KSR2: variants seen among roughly 807,000 people sequenced by gnomAD.
KSR2 encodes the protein kinase suppressor of ras 2.
In KSR2, 25 loss-of-function variants were observed where a neutral mutation model predicts 107.8. The observed-to-expected ratio is 0.23, with a 90% CI of 0.17 to 0.32. The LOEUF is 0.32. KSR2 is among the 10% of genes least tolerant of loss of function. The pLI is 1.00. For missense variants in KSR2, 887 were observed against 1,268.9 expected, an observed-to-expected ratio of 0.70 and a Z score of 4.57; for synonymous variants, 480 against 507.0, an observed-to-expected ratio of 0.95 and a Z score of 0.71.
chr12:117,614,570 T>A (rs76056795), intron 5 of KSR2, among the ~76,000 whole-genome samples: 28 of 152,182 alleles, frequency 1.8e-4, no homozygotes. Context: ...TAGGAGTAAA[T>A]GATGAATCTG....
chr12:117,825,387 A>G (rs1037169193), intron 3 of KSR2, among the ~76,000 whole-genome samples: 6 of 152,048 alleles, frequency 3.9e-5, no homozygotes, highest in African/African-American at 1.4e-4. Flanking sequence ...AGGGATGGAT[A>G]GGTGCATGGG....
At chr12:117,514,854 C>G (rs1874265514) in intron 14 of KSR2, among the ~76,000 whole-genome samples, 1 of 151,968 alleles carries the variant, frequency 6.6e-6, no homozygotes, top group Non-Finnish European at 1.5e-5. Context: ...GGTCAGATCT[C>G]TCTAGTTTCA....
rs189580142 is a variant in KSR2, at chr12:117,753,182, G to A, written c.986+7829C>T. On this transcript the variant is annotated intron_variant, in intron 4 of 19. Coordinates refer to ENST00000339824, the MANE Select transcript of KSR2 (RefSeq NM_173598.6). ...AATCTATGTCAGTGTTTCTCAACCC[G>A]TTTTCTATTATGGCTCCTTTGGGAA... Among the ~76,000 whole-genome samples the A allele has an allele frequency of 7.2e-5, 11 of 152,280 alleles. No homozygotes were observed. In the South Asian group the frequency reaches 1.0e-3, roughly 14 times the overall value.
chr12:117,593,948 T>C (rs933808338), intron 5 of KSR2, among the ~76,000 whole-genome samples: 12 of 152,210 alleles, frequency 7.9e-5, no homozygotes, highest in African/African-American at 2.7e-4. Context: ...CCTTCTATCA[T>C]CCTGTTCTCA....
chr12:117,865,053 C>G (rs1328666852), intron 1 of KSR2, among the ~76,000 whole-genome samples: 1 of 151,666 alleles, frequency 6.6e-6, no homozygotes, highest in African/African-American at 2.4e-5. Flanking sequence ...CAGAACGAGA[C>G]TCCATCTCAA....
intron 4 of KSR2, among the ~76,000 whole-genome samples, chr12:117,689,514 G>A (rs1223888928): frequency 6.6e-6 from 1 of 152,120 alleles, no homozygotes; most frequent in East Asian, 1.9e-4. Flanking sequence ...GCAGTCCTAG[G>A]CATTATATAA....
At chr12:117,502,712 A>C (rs1181508115) in intron 14 of KSR2, among the ~76,000 whole-genome samples, 1 of 152,198 alleles carries the variant, frequency 6.6e-6, no homozygotes, top group Non-Finnish European at 1.5e-5. Context: ...GAAAAAAACA[A>C]ATGGAAGTTT....
At chr12:117,894,241 T>C (rs1048027987) in intron 1 of KSR2, among the ~76,000 whole-genome samples, 3 of 152,162 alleles carry the variant, frequency 2.0e-5, no homozygotes, top group Non-Finnish European at 2.9e-5. Flanking sequence ...GCTCTAATAG[T>C]GCCAGCATTA....
At chr12:117,964,432 T>C (rs1896738154) in intron 1 of KSR2, among the ~76,000 whole-genome samples, 1 of 152,232 alleles carries the variant, frequency 6.6e-6, no homozygotes, top group Non-Finnish European at 1.5e-5. Flanking sequence ...ACTACCAGCA[T>C]TAAGTACAGT....
At chr12:117,701,035 G>C (rs1886284946) in intron 4 of KSR2, among the ~76,000 whole-genome samples, 1 of 152,158 alleles carries the variant, frequency 6.6e-6, no homozygotes, top group South Asian at 2.1e-4. Context: ...AGCTCCACCT[G>C]ACTGCTCATC....
intron 1 of KSR2, among the ~76,000 whole-genome samples, chr12:117,953,885 T>G (rs903271315): frequency 1.3e-5 from 2 of 151,516 alleles, no homozygotes; most frequent in Non-Finnish European, 2.9e-5. Flanking sequence ...AGCCTAGGAG[T>G]TTGAGACTGG....
chr12:117,858,296 A>C (rs1268225711), intron 2 of KSR2, among the ~76,000 whole-genome samples: 1 of 152,194 alleles, frequency 6.6e-6, no homozygotes, highest in Non-Finnish European at 1.5e-5. Flanking sequence ...TGAAGCCTCC[A>C]AAAGAAATGC....
chr12:117,819,198 T>C (rs1362909506), intron 3 of KSR2, among the ~76,000 whole-genome samples: 2 of 152,106 alleles, frequency 1.3e-5, no homozygotes, highest in African/African-American at 4.8e-5. Flanking sequence ...CATTCAAGGA[T>C]TGACCACCCA....
Position 117,457,861 on chromosome 12 carries a change from C to T in KSR2, c.*9338G>A, listed in dbSNP as rs1163997082. ...TGGCTTAGAATGAACATCTCTTTAT[C>T]CTTCTCTTCCTTTAGATCTTGACTT... is the stretch of plus-strand genomic sequence containing the variant. On this transcript the variant is annotated 3_prime_UTR_variant, in exon 20 of 20. Coordinates refer to ENST00000339824, the MANE Select transcript of KSR2 (RefSeq NM_173598.6). The T allele has an allele frequency of 1.3e-5, 2 of 152,210 alleles. No individual in the cohort carries two copies. Among genetic ancestry groups the T allele is most frequent in the Non-Finnish European group, 2.9e-5 (2 of 68,058 alleles). 9.4% of individuals were successfully genotyped at this position (152,210 alleles called of 1,614,324 possible). A position where few individuals can be genotyped will look rare whatever the true frequency, so the allele number is the denominator to read the frequency against.
chr12:117,859,053 G>A (rs2137238516), intron 2 of KSR2, among the ~76,000 whole-genome samples: 1 of 151,688 alleles, frequency 6.6e-6, no homozygotes, highest in African/African-American at 2.4e-5. Flanking sequence ...TCTAATCTTT[G>A]AGAGCGGACA....
At chr12:117,659,941 C>T (rs550798877) in intron 5 of KSR2, among the ~76,000 whole-genome samples, 36 of 152,318 alleles carry the variant, frequency 2.4e-4, no homozygotes, top group Middle Eastern at 3.4e-3. Flanking sequence ...CAGCACAGTG[C>T]TGGGCCCACA....
rs372545070 is a variant in KSR2 at position 117,749,146 on chromosome 12, C to T, written c.986+11865G>A. 1.6e-4 allele frequency among the ~76,000 whole-genome samples: 15 copies of T among 93,270 alleles called. 1 individual carries two copies. Among genetic ancestry groups the T allele is most frequent in the African/African-American group, 9.3e-4 (15 of 16,130 alleles). 61.2% of individuals were successfully genotyped at this position (93,270 alleles called of 152,430 possible). A position where few individuals can be genotyped will look rare whatever the true frequency, so the allele number is the denominator to read the frequency against. Reference sequence around the variant, plus strand: ...AAAAAAAAAAAAAAAAGCAAACGAACAATACCTCCCAGGCCGAGACACAGG... The same window carrying T: ...AAAAAAAAAAAAAAAAGCAAACGAATAATACCTCCCAGGCCGAGACACAGG... On this transcript the variant is annotated intron_variant, in intron 4 of 19. Transcript: ENST00000339824.
intron 7 of KSR2, among the ~76,000 whole-genome samples, chr12:117,567,856 A>G (rs1878620322): frequency 6.7e-6 from 1 of 149,968 alleles, no homozygotes; most frequent in Non-Finnish European, 1.5e-5. Context: ...GGTTCACTGC[A>G]TACCAACTGA....
At position 117,930,944 on chromosome 12, in the gene KSR2, A is replaced by G. The variant is rs552653550; in HGVS notation, c.180+37132T>C. On this transcript the variant is annotated intron_variant, in intron 1 of 19. Transcript: ENST00000339824. ...AACAAACAAACAAATAAATAAATAA[A>G]TAGGGTTGATGTGGATCTTTCAAAC... Among the ~76,000 whole-genome samples the G allele has an allele frequency of 4.1e-4, 63 of 152,164 alleles. 1 individual carries two copies. The highest frequency in any genetic ancestry group is 2.8e-4 in the Non-Finnish European group (19 of 68,008).
Sources: gnomAD v4.1 joint callset for allele counts (sites outside exome capture counted in the v4.1 genomes callset) on GRCh38, gnomAD v4.1.1 for gene constraint, MANE v1.5 for transcripts, NCBI Gene and HGNC (gene_info 2026-07-23, HGNC 2026-07-21) for gene names.